Variants in MARCHF1 observed in about 807,000 individuals in gnomAD.
MARCHF1 encodes the protein membrane associated ring-CH-type finger 1.
A neutral mutation model predicts 54.2 loss-of-function variants in MARCHF1; 40 were observed. That is an observed-to-expected ratio of 0.74 (90% CI 0.57 to 0.96). The LOEUF is 0.96. Ranked by LOEUF, MARCHF1 falls within the 40% of genes least tolerant of loss-of-function variation. MARCHF1 has a pLI of 0.00. For missense variants in MARCHF1, 586 were observed against 656.5 expected (o/e 0.89, Z 1.17); for synonymous variants, 236 against 236.3 (o/e 1.00, Z 0.01).
At chr4:163,861,949 C>A (rs949776781) in intron 3 of MARCHF1, among the ~76,000 whole-genome samples, 2 of 151,894 alleles carry the variant, frequency 1.3e-5, no homozygotes, top group East Asian at 1.9e-4. Context: ...GAAGAAGGAC[C>A]AAAATCAATT....
At chr4:163,668,854 A>G (rs1579177468) in intron 5 of MARCHF1, among the ~76,000 whole-genome samples, 2 of 152,152 alleles carry the variant, frequency 1.3e-5, no homozygotes, top group Non-Finnish European at 1.5e-5. Context: ...TTTGGGAGGT[A>G]GAGGAGTCAA....
At chr4:164,319,972 ATATG>A (rs1277520326) in intron 1 of MARCHF1, among the ~76,000 whole-genome samples, 1 of 152,182 alleles carries the variant, frequency 6.6e-6, no homozygotes, top group African/African-American at 2.4e-5. Context: ...TAAGATTAAC[ATATG>A]TATAATTTTT....
chr4:164,349,641 C>T (rs980288217), intron 1 of MARCHF1, among the ~76,000 whole-genome samples: 2 of 152,064 alleles, frequency 1.3e-5, no homozygotes, highest in Non-Finnish European at 2.9e-5. Context: ...ACTTCAAGTA[C>T]TCTATAATTT....
chr4:163,658,758 G>C (rs1294819536), intron 5 of MARCHF1, among the ~76,000 whole-genome samples: 1 of 151,956 alleles, frequency 6.6e-6, no homozygotes, highest in Non-Finnish European at 1.5e-5. Flanking sequence ...GATGGACACA[G>C]GGAGGGGAAC....
At chr4:164,280,889 A>C (rs1734009092) in intron 1 of MARCHF1, among the ~76,000 whole-genome samples, 1 of 152,098 alleles carries the variant, frequency 6.6e-6, no homozygotes, top group Non-Finnish European at 1.5e-5. Context: ...AGTTCTAAAA[A>C]TTTGCCTGAT....
At chr4:163,895,853 A>G (rs1255636718) in intron 3 of MARCHF1, among the ~76,000 whole-genome samples, 1 of 152,052 alleles carries the variant, frequency 6.6e-6, no homozygotes, top group Non-Finnish European at 1.5e-5. Flanking sequence ...CCTCCTCAGC[A>G]CTTACTTATG....
intron 1 of MARCHF1, among the ~76,000 whole-genome samples, chr4:164,176,943 T>TCG (rs1730681489): frequency 5.6e-5 from 1 of 17,874 alleles, no homozygotes; most frequent in East Asian, 1.1e-3. Flanking sequence ...CCTTGTGCGC[T>TCG]CTCTCTCTCT....
intron 3 of MARCHF1, among the ~76,000 whole-genome samples, chr4:163,871,312 A>G (rs1321613769): frequency 2.0e-5 from 3 of 152,180 alleles, no homozygotes; most frequent in African/African-American, 7.2e-5. Flanking sequence ...TGCTTTTTAC[A>G]TGCTCTGGCA....
chr4:163,633,891 G>A (rs999410100), intron 5 of MARCHF1, among the ~76,000 whole-genome samples: 36 of 152,256 alleles, frequency 2.4e-4, no homozygotes, highest in African/African-American at 2.9e-4. Flanking sequence ...GACTAACGGC[G>A]GATCTCATGG....
rs368469822 is a variant in MARCHF1, at chr4:164,346,848, G to A, written c.-323+37022C>T. Reference sequence around the variant, plus strand: ...TGCAGAGAACCATATACTTTATAGCGATTTTCATCATACCTAAAAGAGTCA... The same window carrying A: ...TGCAGAGAACCATATACTTTATAGCAATTTTCATCATACCTAAAAGAGTCA... On this transcript the variant is annotated intron_variant, in intron 1 of 9. Transcript: ENST00000514618. 4.5e-4 allele frequency among the ~76,000 whole-genome samples: 68 copies of A among 151,766 alleles called. No individual in the cohort carries two copies. In the Middle Eastern group the frequency reaches 0.01, roughly 23 times the overall value.
chr4:163,716,614 T>C (rs1286677502), intron 4 of MARCHF1, among the ~76,000 whole-genome samples: 5 of 152,246 alleles, frequency 3.3e-5, no homozygotes. Flanking sequence ...TATTGTAGTG[T>C]TGTTCGCTCA....
At chr4:163,540,792 C>T (rs1217405128) in intron 9 of MARCHF1, among the ~76,000 whole-genome samples, 2 of 152,178 alleles carry the variant, frequency 1.3e-5, no homozygotes, top group Non-Finnish European at 2.9e-5. Context: ...GAGGCTGAGG[C>T]GAGCAGATCG....
chr4:164,237,274 C>CT (rs1243970196), intron 1 of MARCHF1, among the ~76,000 whole-genome samples: 1 of 152,044 alleles, frequency 6.6e-6, no homozygotes, highest in East Asian at 1.9e-4. Context: ...CACCAGAAAC[C>CT]TTTTTTCTGT....
chr4:164,059,183 A>C (rs1316101406), intron 2 of MARCHF1, among the ~76,000 whole-genome samples: 2 of 152,228 alleles, frequency 1.3e-5, no homozygotes, highest in African/African-American at 4.8e-5. Flanking sequence ...CAAAATATTA[A>C]AAGAAATATC....
At chr4:164,100,851 C>T (rs543931885) in intron 2 of MARCHF1, among the ~76,000 whole-genome samples, 47 of 152,246 alleles carry the variant, frequency 3.1e-4, no homozygotes, top group Non-Finnish European at 5.9e-4. Context: ...TCTGAGGTAC[C>T]GGGTTCATCT....
At chr4:164,228,748 T>C (rs1272595928) in intron 1 of MARCHF1, among the ~76,000 whole-genome samples, 1 of 152,190 alleles carries the variant, frequency 6.6e-6, no homozygotes, top group Middle Eastern at 3.2e-3. Context: ...GTTTAGCTCA[T>C]GTGAACAAAT....
intron 5 of MARCHF1, among the ~76,000 whole-genome samples, chr4:163,671,751 G>A (rs959262296): frequency 6.6e-6 from 1 of 152,028 alleles, no homozygotes; most frequent in South Asian, 2.1e-4. Context: ...AATCAAGCAG[G>A]TCATGGCATA....
At chr4:163,983,517 A>G (rs1247422590) in intron 3 of MARCHF1, among the ~76,000 whole-genome samples, 2 of 152,204 alleles carry the variant, frequency 1.3e-5, no homozygotes, top group Non-Finnish European at 2.9e-5. Context: ...ACTGTAACAA[A>G]AAGAAAACAA....
intron 5 of MARCHF1, among the ~76,000 whole-genome samples, chr4:163,683,767 G>A (rs2111173300): frequency 6.6e-6 from 1 of 152,300 alleles, no homozygotes; most frequent in East Asian, 1.9e-4. Context: ...GGCTTAAAAT[G>A]ATGACAATTT....
Sources: allele counts gnomAD v4.1 joint callset (sites outside exome capture counted in the v4.1 genomes callset), GRCh38; gene constraint gnomAD v4.1.1; transcripts MANE v1.5; gene names NCBI Gene and HGNC (gene_info 2026-07-23, HGNC 2026-07-21).